MGA: variants seen among roughly 807,000 people sequenced by gnomAD.
MGA encodes the protein MAX dimerization protein MGA.
A neutral mutation model predicts 261.1 loss-of-function variants in MGA; 40 were observed. The observed-to-expected ratio is 0.15, with a 90% CI of 0.12 to 0.20. MGA has a LOEUF of 0.20. MGA is among the 10% of genes least tolerant of loss of function. The pLI is 1.00. For synonymous variants in MGA, 1,302 were observed against 1,290.6 expected (o/e 1.01, Z -0.19); for missense variants, 3,397 against 3,630.5 (o/e 0.94, Z 1.65).
At chr15:41,674,664 C>T (rs1259068258) in intron 2 of MGA, among the ~76,000 whole-genome samples, 1 of 152,162 alleles carries the variant, frequency 6.6e-6, no homozygotes, top group South Asian at 2.1e-4. Context: ...GGACTATAGA[C>T]GCATGCCACC....
chr15:41,705,771 G>GA (rs1427931127), intron 5 of MGA, among the ~76,000 whole-genome samples: 1 of 152,122 alleles, frequency 6.6e-6, no homozygotes, highest in African/African-American at 2.4e-5. Context: ...TTACTGTTGA[G>GA]AAAACTAAAG....
chr15:41,724,726 T>C (rs1180031247), intron 9 of MGA, among the ~76,000 whole-genome samples: 3 of 152,172 alleles, frequency 2.0e-5, no homozygotes, highest in Non-Finnish European at 4.4e-5. Flanking sequence ...AATTATGTTA[T>C]AAAGGAGCTA....
chr15:41,740,179 T>C lies in MGA; in HGVS notation c.4561T>C (p.Phe1521Leu), dbSNP rs754074767. 2 of 1,613,808 alleles carry C rather than the reference T, an allele frequency of 1.2e-6. No homozygotes were observed. Among genetic ancestry groups the C allele is most frequent in the African/African-American group, 2.7e-5 (2 of 74,912 alleles). The change falls in exon 14 of 24, where the codon TTT becomes CTT. Residue 1521 changes from phenylalanine to leucine, a missense_variant. By Grantham distance (22) the Phe-to-Leu change is conservative. Coordinates refer to ENST00000219905, the MANE Select transcript of MGA (RefSeq NM_001164273.2). ...TCGCCCTGGGAAGAATCTGAAGGCGTTTGTCCCAGCAAAACGGCCAATTGG... is the reference window on the plus strand; with the variant it reads ...TCGCCCTGGGAAGAATCTGAAGGCGCTTGTCCCAGCAAAACGGCCAATTGG...
chr15:41,718,337 G>T, intron 9 of MGA: 1 of 331,228 alleles, frequency 3.0e-6, no homozygotes. Context: ...ATATATACAT[G>T]TATAGTATTA....
intron 1 of MGA, among the ~76,000 whole-genome samples, chr15:41,666,398 T>TA (rs2057741083): frequency 6.6e-6 from 1 of 152,242 alleles, no homozygotes; most frequent in Non-Finnish European, 1.5e-5. Flanking sequence ...TTATTTATTT[T>TA]AAAGACCGAA....
intron 11 of MGA, among the ~76,000 whole-genome samples, chr15:41,733,210 G>A (rs1211546801): frequency 6.6e-6 from 1 of 151,956 alleles, no homozygotes; most frequent in African/African-American, 2.4e-5. Context: ...CACCCACCTC[G>A]GCCTCCCAAA....
rs552289708 is a variant in MGA at position 41,762,441 on chromosome 15, C to G, written c.7744+79C>G. The G allele has an allele frequency of 9.8e-5, 56 of 571,620 alleles. No homozygotes were observed. In the Admixed American group the frequency reaches 1.8e-3, roughly 19 times the overall value. 35.4% of individuals were successfully genotyped at this position (571,620 alleles called of 1,614,324 possible). ...AGTGGACTGACCACCTTCTCTTGTC[C>G]ACATTTTTAGTTTTGTGTGGTTTTT... On this transcript the variant is annotated intron_variant, in intron 22 of 23. Transcript: ENST00000219905.
intron 2 of MGA, among the ~76,000 whole-genome samples, chr15:41,687,326 A>T (rs547814772): frequency 3.3e-5 from 5 of 152,258 alleles, no homozygotes; most frequent in African/African-American, 1.2e-4. Flanking sequence ...GTTATTTGTG[A>T]TGTGAAAATT....
chr15:41,732,697 CT>C (rs2151750547), intron 11 of MGA, among the ~76,000 whole-genome samples: 1 of 152,314 alleles, frequency 6.6e-6, no homozygotes, highest in Admixed American at 6.5e-5. Context: ...CAGCATGTGC[CT>C]GGTACATTAT....
intron 1 of MGA, among the ~76,000 whole-genome samples, chr15:41,635,518 C>CT (rs1268758586): frequency 2.0e-5 from 3 of 151,696 alleles, no homozygotes; most frequent in Admixed American, 6.6e-5. Context: ...TAGTGAGACC[C>CT]CCCCCCTCCT....
chr15:41,741,666 A>G (rs1341917805), intron 14 of MGA, among the ~76,000 whole-genome samples: 1 of 152,136 alleles, frequency 6.6e-6, no homozygotes, highest in Non-Finnish European at 1.5e-5. Context: ...GACAGTTTGA[A>G]TATATTGCAC....
At chr15:41,662,126 C>T (rs1479961245) in intron 1 of MGA, among the ~76,000 whole-genome samples, 1 of 152,112 alleles carries the variant, frequency 6.6e-6, no homozygotes, top group Non-Finnish European at 1.5e-5. Context: ...TTGCCGCCAA[C>T]GGTTGTTTCT....
chr15:41,740,019 G>A, intron 13 of MGA: 1 of 1,613,850 alleles, frequency 6.2e-7, no homozygotes. Flanking sequence ...CCTCAGTCCT[G>A]GACCTCTCAA....
At chr15:41,743,207 C>G in intron 15 of MGA, 35 bp downstream of exon 15, 1 of 1,555,216 alleles carries the variant, frequency 6.4e-7, no homozygotes, top group Admixed American at 1.9e-5. Flanking sequence ...CTTTATTTTA[C>G]TGTACACCTA....
At chr15:41,718,029 AATT>A (rs1312074168) in intron 9 of MGA, among the ~76,000 whole-genome samples, 6 of 151,756 alleles carry the variant, frequency 4.0e-5, no homozygotes, top group Non-Finnish European at 7.4e-5. Flanking sequence ...AAAAAAAAAA[AATT>A]AATGTTCTAA....
At position 41,762,216 on chromosome 15, in the gene MGA, T is replaced by G. The variant is rs1254223403; in HGVS notation, c.7598T>G (p.Met2533Arg). 9.9e-6 allele frequency: 16 copies of G among 1,613,838 alleles called. No homozygotes were observed. Among genetic ancestry groups the G allele is most frequent in the African/African-American group, 2.7e-5 (2 of 74,980 alleles). The change falls in exon 22 of 24, where the codon ATG becomes AGG. Residue 2533 changes from methionine to arginine, a missense_variant. Met to Arg is a moderately conservative substitution (Grantham distance 91, BLOSUM62 -1). This residue lies in a region of MGA where 647 missense variants were observed against 642.4 expected (regional missense o/e 1.01). Coordinates refer to ENST00000219905, the MANE Select transcript of MGA (RefSeq NM_001164273.2). ...GAGGCACAAAAAAGAAAAAAGAAGA[T>G]GGGATCAGATGAGTTTGACATATCT... is the stretch of plus-strand genomic sequence containing the variant.
In MGA at chr15:41,742,897, G is replaced by C. The variant is rs764008305; in HGVS notation, c.4937G>C (p.Ser1646Thr). The C allele has an allele frequency of 1.2e-6, 2 of 1,614,008 alleles. No homozygotes were observed. Among genetic ancestry groups the C allele is most frequent in the East Asian group, 4.5e-5 (2 of 44,896 alleles). Residue 1646 changes from serine to threonine, a missense_variant, in exon 15 of 24, where the codon AGC (serine) becomes ACC (threonine). Physicochemically the swap from Ser to Thr is moderately conservative, Grantham distance 58 (BLOSUM62 1). Around this residue, in one of 9 missense-constraint regions of MGA, gnomAD observed 1,410 missense variants for 1,386.4 expected, o/e 1.02. Coordinates refer to ENST00000219905, the MANE Select transcript of MGA (RefSeq NM_001164273.2). ...GTTGAGGTCTCTGAAACTAATACCA[G>C]CACCTCTGTAACATCTACCCAGTCT...
At chr15:41,713,574 A>T (rs1918313) in intron 9 of MGA, 78 bp downstream of exon 9, 1 of 1,403,594 alleles carries the variant, frequency 7.1e-7, no homozygotes, top group East Asian at 2.5e-5. Flanking sequence ...AATACAACCT[A>T]CCTTAATCCC....
chr15:41,674,695 T>C (rs1466978155), intron 2 of MGA, among the ~76,000 whole-genome samples: 1 of 152,134 alleles, frequency 6.6e-6, no homozygotes, highest in African/African-American at 2.4e-5. Flanking sequence ...ATTTTTTGTA[T>C]TTTTAGTAGA....
Sources: gnomAD v4.1 joint callset for allele counts (sites outside exome capture counted in the v4.1 genomes callset) on GRCh38, gnomAD v4.1.1 for gene constraint, gnomAD v4.1.1 regional missense constraint, MANE v1.5 for transcripts, NCBI Gene and HGNC (gene_info 2026-07-23, HGNC 2026-07-21) for gene names.